Variants in RYR2 observed in about 807,000 individuals in gnomAD.
RYR2 encodes ryanodine receptor 2.
In RYR2, 227 loss-of-function variants were observed where a neutral mutation model predicts 601.1. The observed-to-expected ratio is 0.38, with a 90% confidence interval of 0.34 to 0.42. The LOEUF is 0.42. Ranked by LOEUF, RYR2 falls within the 10% of genes least tolerant of loss-of-function variation. The pLI is 1.00. For missense variants in RYR2, 4,646 were observed against 6,156.5 expected (o/e 0.75, Z 8.21); for synonymous variants, 2,223 against 2,175.1 (o/e 1.02, Z -0.61).
At chr1:237,363,663 G>A (rs957519927) in intron 4 of RYR2, among the ~76,000 whole-genome samples, 2 of 152,022 alleles carry the variant, frequency 1.3e-5, no homozygotes, top group African/African-American at 4.8e-5. Context: ...AGAAACTTTA[G>A]AGGTGTAAAG....
chr1:237,365,925 T>A (rs1700155342), intron 5 of RYR2, among the ~76,000 whole-genome samples: 1 of 152,216 alleles, frequency 6.6e-6, no homozygotes, highest in African/African-American at 2.4e-5. Context: ...AGGCCCCCAG[T>A]TCTTTTAACT....
intron 16 of RYR2, 96 bp from the exon 17 acceptor site, chr1:237,468,996 T>C (rs1660384952): frequency 3.3e-6 from 3 of 922,730 alleles, no homozygotes; most frequent in Non-Finnish European, 3.5e-6. Flanking sequence ...GAGGATATTT[T>C]GTTCTTGATC....
At chr1:237,588,024 T>C (rs777282994) in intron 29 of RYR2, among the ~76,000 whole-genome samples, 1 of 152,196 alleles carries the variant, frequency 6.6e-6, no homozygotes, top group Non-Finnish European at 1.5e-5. Context: ...ATACAATAGA[T>C]TTTTTATTTG....
chr1:237,659,081 A>G (rs1012576889), intron 54 of RYR2, among the ~76,000 whole-genome samples: 5 of 152,188 alleles, frequency 3.3e-5, no homozygotes, highest in African/African-American at 1.2e-4. Flanking sequence ...GCGAAATGAA[A>G]ATCAGACACC....
At chr1:237,778,818 C>G (rs1438205029) in intron 88 of RYR2, 48 bp downstream of exon 88, 1 of 880,214 alleles carries the variant, frequency 1.1e-6, no homozygotes, top group East Asian at 2.4e-5. Context: ...AAACTGGAGA[C>G]TGTAATCATC....
chr1:237,085,639 G>T (rs1167649704), intron 1 of RYR2, among the ~76,000 whole-genome samples: 1 of 152,186 alleles, frequency 6.6e-6, no homozygotes, highest in Non-Finnish European at 1.5e-5. Context: ...AAGAGCATTT[G>T]AGGTGAACTG....
At chr1:237,087,269 C>T (rs1429796083) in intron 1 of RYR2, among the ~76,000 whole-genome samples, 1 of 152,052 alleles carries the variant, frequency 6.6e-6, no homozygotes, top group Non-Finnish European at 1.5e-5. Context: ...GCTTGGTTTT[C>T]GTGTGTGTTT....
intron 52 of RYR2, 52 bp from the exon 53 acceptor site, chr1:237,655,769 G>T: frequency 6.6e-7 from 1 of 1,518,902 alleles, no homozygotes; most frequent in South Asian, 1.3e-5. Context: ...TGATCATGCT[G>T]ACAACTTTTG....
In RYR2 at chr1:237,530,171, T is replaced by C. The variant is rs2805447; in HGVS notation, c.2823-256T>C. ...CTAAAAATACAAAAAATTAGCCGGG[T>C]GTGGTGGCGGGCACCTGTAGTCCTG... On this transcript the variant is annotated intron_variant, in intron 24 of 104. Coordinates refer to ENST00000366574, the MANE Select transcript of RYR2 (RefSeq NM_001035.3). 0.79 allele frequency among the ~76,000 whole-genome samples: 119,386 copies of C among 151,468 alleles called. 47,187 individuals carry two copies. Among genetic ancestry groups the C allele is most frequent in the East Asian group, 0.9 (4,597 of 5,092 alleles).
intron 18 of RYR2, 112 bp from the exon 19 acceptor site, chr1:237,492,842 A>C: frequency 1.9e-6 from 2 of 1,031,824 alleles, no homozygotes; most frequent in Non-Finnish European, 2.7e-6. Flanking sequence ...GAAGGAAGGA[A>C]GGAAGGAAGG....
chr1:237,470,549 G>T lies in RYR2; in HGVS notation c.1708+1362G>T, dbSNP rs184398059. On this transcript the variant is annotated intron_variant, in intron 17 of 104. Transcript: ENST00000366574. ...CAGAAGTAAGATAGAAATGGAGATTGTTGTAATAAAAACAAAAATAATTAT... is the reference window on the plus strand; with the variant it reads ...CAGAAGTAAGATAGAAATGGAGATTTTTGTAATAAAAACAAAAATAATTAT... Among the ~76,000 whole-genome samples, 60 of 152,242 alleles carry T rather than the reference G, an allele frequency of 3.9e-4. No homozygotes were observed. The East Asian group carries it at 8.7e-3, about 22-fold the overall frequency.
intron 1 of RYR2, among the ~76,000 whole-genome samples, chr1:237,223,287 G>T (rs762013974): frequency 2.3e-4 from 35 of 152,230 alleles, no homozygotes; most frequent in Admixed American, 8.5e-4. Context: ...CTGTGTCCTC[G>T]CATGGCTAAA....
At chr1:237,263,754 G>T (rs1688761961) in intron 1 of RYR2, among the ~76,000 whole-genome samples, 1 of 152,108 alleles carries the variant, frequency 6.6e-6, no homozygotes, top group Admixed American at 6.6e-5. Flanking sequence ...CTATTTAATA[G>T]ATATTTTTTG....
chr1:237,086,226 T>C (rs1017034382), intron 1 of RYR2, among the ~76,000 whole-genome samples: 3 of 152,218 alleles, frequency 2.0e-5, no homozygotes, highest in Non-Finnish European at 4.4e-5. Context: ...TGGTTTCTTC[T>C]AAAGCCTCTC....
Position 237,614,876 on chromosome 1 carries a change from G to T in RYR2, c.5715+33G>T. On this transcript the variant is annotated intron_variant, in intron 37 of 104. Transcript: ENST00000366574. This position sits in a 1 kb window ranked among gnomAD's most constrained non-coding sequence, Gnocchi z 4.3. ...GAACAAGAGACTTGAGTGAATTTCA[G>T]AATTGCTAAGCATTAAGGTATTAGA... 6.5e-7 allele frequency: 1 copy of T among 1,526,910 alleles called. No individual in the cohort carries two copies. Among genetic ancestry groups the T allele is most frequent in the Non-Finnish European group, 8.8e-7 (1 of 1,139,798 alleles). The allele number at this position is 1,526,910 out of a possible 1,614,324, so 94.6% of individuals were successfully genotyped here. A position where few individuals can be genotyped will look rare whatever the true frequency, so the allele number is the denominator to read the frequency against.
At position 237,699,044 on chromosome 1, in the gene RYR2, A is replaced by G; in HGVS notation, c.9128+19A>G. 7.9e-7 allele frequency: 1 copy of G among 1,263,244 alleles called. No individual in the cohort carries two copies. Among genetic ancestry groups the G allele is most frequent in the Non-Finnish European group, 1.1e-6 (1 of 890,364 alleles). The allele number at this position is 1,263,244 out of a possible 1,614,324, so 78.3% of individuals were successfully genotyped here. A position where few individuals can be genotyped will look rare whatever the true frequency, so the allele number is the denominator to read the frequency against. ...ATGCAAGGTAAATGGATACATTTTT[A>G]CCTAAATAAATTACTATAATAATGA... On this transcript the variant is annotated intron_variant, in intron 64 of 104. Transcript: ENST00000366574.
intron 10 of RYR2, among the ~76,000 whole-genome samples, chr1:237,398,038 T>C (rs952955205): frequency 3.9e-5 from 6 of 152,150 alleles, no homozygotes. Context: ...TGGTATCTTG[T>C]TGTCATGAAG....
At chr1:237,664,722 T>C (rs1684136715) in intron 56 of RYR2, among the ~76,000 whole-genome samples, 1 of 152,172 alleles carries the variant, frequency 6.6e-6, no homozygotes, top group South Asian at 2.1e-4. Flanking sequence ...GACATAATAA[T>C]GGATGAAGGG....
chr1:237,302,913 C>G (rs1477634528), intron 2 of RYR2, among the ~76,000 whole-genome samples: 1 of 152,114 alleles, frequency 6.6e-6, no homozygotes, highest in Non-Finnish European at 1.5e-5. Flanking sequence ...TGTCATATTG[C>G]CCTTCAGAAT....
Sources: gnomAD v4.1 joint callset for allele counts (sites outside exome capture counted in the v4.1 genomes callset) on GRCh38, gnomAD v4.1.1 for gene constraint, Gnocchi (gnomAD v3.1) non-coding constraint, MANE v1.5 for transcripts, NCBI Gene and HGNC (gene_info 2026-07-23, HGNC 2026-07-21) for gene names.